The following DEPDC5 variants were observed in gnomAD, a reference collection of about 807,000 sequenced individuals.
The protein encoded by DEPDC5 is GATOR1 complex protein DEPDC5.
In DEPDC5, 73 loss-of-function variants were observed where a neutral mutation model predicts 217.3. That is an observed-to-expected ratio of 0.34 (90% confidence interval 0.28 to 0.41). DEPDC5 has a LOEUF of 0.41. Among genes scored for constraint, DEPDC5 ranks in the 10% least tolerant of loss-of-function variants. DEPDC5 has a pLI of 1.00. For missense variants in DEPDC5, 1,675 were observed against 2,070.1 expected (o/e 0.81, Z 3.70); for synonymous variants, 733 against 756.7 (o/e 0.97, Z 0.51).
At chr22:31,821,672 G>C in intron 23 of DEPDC5, 35 bp downstream of exon 23, 1 of 1,602,246 alleles carries the variant, frequency 6.2e-7, no homozygotes, top group Non-Finnish European at 8.5e-7. Flanking sequence ...AAGGTAACCT[G>C]AGAACACTCT....
At chr22:31,797,531 T>C in intron 12 of DEPDC5, 69 bp from the exon 13 acceptor site, 1 of 1,261,992 alleles carries the variant, frequency 7.9e-7, no homozygotes. Context: ...GAGATGAAAT[T>C]TGGGAGGGGA....
intron 28 of DEPDC5, 50 bp downstream of exon 28, chr22:31,843,262 C>T: frequency 6.5e-7 from 1 of 1,549,164 alleles, no homozygotes; most frequent in South Asian, 1.1e-5. Flanking sequence ...GAATTATGGC[C>T]ACATACTAAA....
At position 31,836,992 on chromosome 22, in the gene DEPDC5, C is replaced by G. The variant is rs1280365628; in HGVS notation, c.2191C>G (p.Pro731Ala). The G allele has an allele frequency of 4.3e-6, 7 of 1,613,986 alleles. No homozygotes were observed. Among genetic ancestry groups the G allele is most frequent in the Non-Finnish European group, 5.9e-6 (7 of 1,180,022 alleles). The change falls in exon 26 of 43, where the codon CCT becomes GCT. Residue 731 changes from proline to alanine, a missense_variant. By Grantham distance (27) the Pro-to-Ala change is conservative. Coordinates refer to ENST00000651528, the MANE Select transcript of DEPDC5 (RefSeq NM_001242896.3). ...GGCAGTTCTGACACTGTCTGCTCCC[C>G]CTGTAGTGCCAGGCTTCTGTTGCAC... ...PDPILTLSAP[P>A]VVPGFCCTVG...
At chr22:31,763,430 C>A (rs1250504438) in intron 4 of DEPDC5, among the ~76,000 whole-genome samples, 3 of 151,562 alleles carry the variant, frequency 2.0e-5, no homozygotes, top group Non-Finnish European at 4.4e-5. Context: ...ATTGCCCCTG[C>A]CTTTTTTTTT....
Position 31,804,920 on chromosome 22 carries a change from G to T in DEPDC5, c.1217+5G>T. On this transcript the variant is annotated splice_donor_5th_base_variant and intron_variant, in intron 17 of 42. Transcript: ENST00000651528. ...CCCTCACTGGATAAACCACAGGTGG[G>T]TGCGATCTCGATCAATAGTAGGTGA... The T allele has an allele frequency of 6.2e-7, 1 of 1,612,356 alleles. No homozygotes were observed. Among genetic ancestry groups the T allele is most frequent in the East Asian group, 2.2e-5 (1 of 44,836 alleles).
At position 31,819,224 on chromosome 22, in the gene DEPDC5, G is replaced by A. The variant is rs1486478693; in HGVS notation, c.1869G>A (p.Val623=). ...GGCGCTGGATGCACACTTTTCCTGT[G>A]GGTAAGTTGGTTGCTTAAGAGAGAG... ...NRRRWMHTFP[V]GPSGEAIQIH... The change falls in exon 22 of 43, where the codon GTG becomes GTA. Residue 623 remains valine, a splice_region_variant and synonymous_variant. Transcript: ENST00000651528. 1 of 1,614,088 alleles carries A rather than the reference G, an allele frequency of 6.2e-7. No homozygotes were observed. Among genetic ancestry groups the A allele is most frequent in the African/African-American group, 1.3e-5 (1 of 75,024 alleles).
At position 31,760,648 on chromosome 22, in the gene DEPDC5, T is replaced by C; in HGVS notation, c.147-8T>C. The C allele has an allele frequency of 6.2e-7, 1 of 1,612,454 alleles. No homozygotes were observed. The highest frequency in any genetic ancestry group is 8.5e-7 in the Non-Finnish European group (1 of 1,179,366). On this transcript the variant is annotated splice_polypyrimidine_tract_variant and splice_region_variant and intron_variant, in intron 3 of 42. Transcript: ENST00000651528. ...GTATCCCAACTCTCTTGTTGCTTTC[T>C]TTTTCAGCCCTCTGCTTTTGCAGGT... is the stretch of plus-strand genomic sequence containing the variant.
chr22:31,892,217 G>A (rs965033439), intron 38 of DEPDC5, among the ~76,000 whole-genome samples: 1 of 152,198 alleles, frequency 6.6e-6, no homozygotes, highest in African/African-American at 2.4e-5. Context: ...TCTTGGCCAA[G>A]GCATCTTCCC....
chr22:31,830,701 A>T (rs1009159975), intron 24 of DEPDC5, among the ~76,000 whole-genome samples: 1 of 150,866 alleles, frequency 6.6e-6, no homozygotes, highest in Admixed American at 6.6e-5. Flanking sequence ...GATGGCACAG[A>T]TCTACTTTTG....
At chr22:31,761,305 A>G (rs112307674) in intron 4 of DEPDC5, among the ~76,000 whole-genome samples, 3 of 152,104 alleles carry the variant, frequency 2.0e-5, no homozygotes, top group African/African-American at 7.2e-5. Context: ...TTCAACCTTC[A>G]TTCTCTTCCC....
chr22:31,768,943 A>G, intron 7 of DEPDC5, 80 bp downstream of exon 7: 23 of 1,529,838 alleles, frequency 1.5e-5, no homozygotes, highest in Non-Finnish European at 2.1e-5. Context: ...ATGTCCATAT[A>G]ATAAAATGTG....
At chr22:31,832,329 A>G (rs905496766) in intron 24 of DEPDC5, among the ~76,000 whole-genome samples, 2 of 152,200 alleles carry the variant, frequency 1.3e-5, no homozygotes, top group African/African-American at 4.8e-5. Context: ...GTCAAATGGT[A>G]AATCTGTTTT....
chr22:31,906,188 C>T lies in DEPDC5; in HGVS notation c.4520-17C>T, dbSNP rs781449513. 1.2e-6 allele frequency: 2 copies of T among 1,613,012 alleles called. No individual in the cohort carries two copies. The highest frequency in any genetic ancestry group is 2.7e-5 in the African/African-American group (2 of 74,888). Reference sequence around the variant, plus strand: ...CCTCCTGGTGGCTGCCACACAGGCGCTCCCCTTTCTCTTCAGGAACAGTGT... The same window carrying T: ...CCTCCTGGTGGCTGCCACACAGGCGTTCCCCTTTCTCTTCAGGAACAGTGT... On this transcript the variant is annotated splice_polypyrimidine_tract_variant and intron_variant, in intron 42 of 42. Coordinates refer to ENST00000651528, the MANE Select transcript of DEPDC5 (RefSeq NM_001242896.3). The surrounding 1 kb of genome is among the most constrained non-coding windows in gnomAD (Gnocchi z 5.1).
At chr22:31,866,850 A>C (rs772178187) in intron 33 of DEPDC5, among the ~76,000 whole-genome samples, 2 of 132,084 alleles carry the variant, frequency 1.5e-5, no homozygotes, top group African/African-American at 2.9e-5. Flanking sequence ...TTCTCATCAC[A>C]TCACATCAGT....
intron 41 of DEPDC5, among the ~76,000 whole-genome samples, chr22:31,902,408 T>TTTTATATATA (rs1491391820): frequency 2.7e-5 from 3 of 111,948 alleles, no homozygotes; most frequent in Non-Finnish European, 5.4e-5. Context: ...CATCTCCTTA[T>TTTTATATATA]TATATATATA....
At chr22:31,814,432 G>A (rs939627939) in intron 20 of DEPDC5, 5 of 152,904 alleles carry the variant, frequency 3.3e-5, no homozygotes, top group African/African-American at 9.7e-5. Context: ...GTTTGAAATG[G>A]GACCTAAACA....
At chr22:31,803,488 A>G (rs1041840140) in intron 15 of DEPDC5, among the ~76,000 whole-genome samples, 9 of 152,184 alleles carry the variant, frequency 5.9e-5, no homozygotes, top group African/African-American at 1.9e-4. Flanking sequence ...CTAGGATTGC[A>G]GGCATGAGCC....
At chr22:31,816,675 C>T (rs1414849529) in intron 21 of DEPDC5, 1 of 152,304 alleles carries the variant, frequency 6.6e-6, no homozygotes, top group Non-Finnish European at 1.5e-5. Flanking sequence ...AATGATCCAC[C>T]CACCTCGGCC....
intron 2 of DEPDC5, among the ~76,000 whole-genome samples, chr22:31,756,877 T>C (rs2147962772): frequency 6.6e-6 from 1 of 151,318 alleles, no homozygotes; most frequent in East Asian, 1.9e-4. Flanking sequence ...GCCGAGATCA[T>C]GCCACTACAC....
Sources: allele counts gnomAD v4.1 joint callset (sites outside exome capture counted in the v4.1 genomes callset), GRCh38; gene constraint gnomAD v4.1.1; non-coding constraint Gnocchi (gnomAD v3.1); transcripts MANE v1.5; gene names NCBI Gene and HGNC (gene_info 2026-07-23, HGNC 2026-07-21).